The following RNGTT variants were observed in gnomAD, a reference collection of about 807,000 sequenced individuals.
RNGTT encodes mRNA-capping enzyme.
A neutral mutation model predicts 79.3 loss-of-function variants in RNGTT; 33 were observed. That is an observed-to-expected ratio of 0.42 (90% CI 0.32 to 0.56). The LOEUF (loss-of-function observed/expected upper bound fraction) is 0.56, where lower values mean the gene tolerates loss of function less well. Among genes scored for constraint, RNGTT ranks in the 20% least tolerant of loss-of-function variants. RNGTT has a pLI of 0.17. For synonymous variants in RNGTT, 222 were observed against 235.9 expected (o/e 0.94, Z 0.54); for missense variants, 497 against 739.1 (o/e 0.67, Z 3.80).
intron 4 of RNGTT, among the ~76,000 whole-genome samples, chr6:88,916,335 T>G (rs1464037837): frequency 1.3e-5 from 2 of 152,046 alleles, no homozygotes; most frequent in East Asian, 3.9e-4. Flanking sequence ...TCGCCATGCA[T>G]GGTGGTGTGT....
intron 2 of RNGTT, among the ~76,000 whole-genome samples, chr6:88,939,624 T>G (rs1419951091): frequency 6.6e-6 from 1 of 152,128 alleles, no homozygotes; most frequent in African/African-American, 2.4e-5. Flanking sequence ...ATGAATTTTT[T>G]TATTATGCTG....
intron 13 of RNGTT, among the ~76,000 whole-genome samples, chr6:88,698,142 T>G (rs1775773482): frequency 1.7e-5 from 2 of 114,570 alleles, no homozygotes; most frequent in Non-Finnish European, 3.2e-5. Context: ...ATATGATATA[T>G]ATATGAAATA....
At chr6:88,663,676 AGG>A (rs991889400) in intron 14 of RNGTT, among the ~76,000 whole-genome samples, 8 of 152,162 alleles carry the variant, frequency 5.3e-5, no homozygotes, top group African/African-American at 1.9e-4. Flanking sequence ...AGCCTCTGCA[AGG>A]TGTGCACACC....
At chr6:88,712,244 C>T (rs1776343858) in intron 13 of RNGTT, among the ~76,000 whole-genome samples, 1 of 152,260 alleles carries the variant, frequency 6.6e-6, no homozygotes, top group South Asian at 2.1e-4. Context: ...TAATCAAATA[C>T]TATGGGACTT....
intron 14 of RNGTT, among the ~76,000 whole-genome samples, chr6:88,675,047 G>A (rs1005713110): frequency 1.3e-5 from 2 of 151,124 alleles, no homozygotes; most frequent in Non-Finnish European, 2.9e-5. Context: ...GCAGTGAGCC[G>A]AGATTGTGCC....
At chr6:88,689,117 G>C (rs1354190715) in intron 13 of RNGTT, among the ~76,000 whole-genome samples, 1 of 152,050 alleles carries the variant, frequency 6.6e-6, no homozygotes, top group Non-Finnish European at 1.5e-5. Context: ...CAGTGCCCTT[G>C]CATTGTTCAT....
intron 13 of RNGTT, among the ~76,000 whole-genome samples, chr6:88,739,725 T>TATA (rs1491236944): frequency 4.2e-5 from 4 of 94,152 alleles, no homozygotes; most frequent in Non-Finnish European, 8.0e-5. Flanking sequence ...GTGAAAAAAA[T>TATA]TATATATATA....
intron 8 of RNGTT, among the ~76,000 whole-genome samples, chr6:88,861,431 G>T (rs1782011820): frequency 6.6e-6 from 1 of 152,056 alleles, no homozygotes; most frequent in Non-Finnish European, 1.5e-5. Context: ...CACTTTGCCT[G>T]TTTCTCTCAT....
At chr6:88,919,142 A>C (rs576647561) in intron 4 of RNGTT, among the ~76,000 whole-genome samples, 1 of 152,346 alleles carries the variant, frequency 6.6e-6, no homozygotes, top group South Asian at 2.1e-4. Context: ...ATATTAAAAA[A>C]TCCATTAATT....
intron 12 of RNGTT, among the ~76,000 whole-genome samples, chr6:88,777,228 C>A (rs1308477181): frequency 6.6e-6 from 1 of 152,170 alleles, no homozygotes; most frequent in African/African-American, 2.4e-5. Flanking sequence ...TTCAGTACTA[C>A]ACCATTTTAA....
intron 11 of RNGTT, among the ~76,000 whole-genome samples, chr6:88,838,842 T>C (rs1409368536): frequency 6.6e-6 from 1 of 152,130 alleles, no homozygotes; most frequent in Non-Finnish European, 1.5e-5. Flanking sequence ...ACATTAATAC[T>C]ATCTGATTTC....
At chr6:88,663,886 A>G (rs914963942) in intron 14 of RNGTT, among the ~76,000 whole-genome samples, 4 of 152,212 alleles carry the variant, frequency 2.6e-5, no homozygotes, top group Non-Finnish European at 5.9e-5. Flanking sequence ...CTCAACTGGA[A>G]AAATAACATC....
chr6:88,890,720 A>C, intron 7 of RNGTT, 124 bp from the exon 8 acceptor site: 1 of 530,672 alleles, frequency 1.9e-6, no homozygotes, highest in Non-Finnish European at 3.3e-6. Context: ...GATTAATGTC[A>C]GCTGGAATAA....
chr6:88,818,265 T>C (rs1174043714), intron 11 of RNGTT, among the ~76,000 whole-genome samples: 5 of 152,104 alleles, frequency 3.3e-5, no homozygotes, highest in Non-Finnish European at 7.4e-5. Context: ...GCTCAAGACA[T>C]TGGGTTAACC....
rs1771996424 is a variant in RNGTT at position 88,610,859 on chromosome 6, T to C, written c.*1860A>G. The C allele has an allele frequency of 6.6e-6, 1 of 152,236 alleles. No individual in the cohort carries two copies. Among genetic ancestry groups the C allele is most frequent in the Non-Finnish European group, 1.5e-5 (1 of 68,040 alleles). 9.4% of individuals were successfully genotyped at this position (152,236 alleles called of 1,614,324 possible). ...TCGTATCTGCAAAAGGGCTCTGCCT[T>C]TCCACAGGCTCGGAGGGAAAGCAGC... On this transcript the variant is annotated 3_prime_UTR_variant, in exon 16 of 16. Transcript: ENST00000369485.
intron 11 of RNGTT, among the ~76,000 whole-genome samples, chr6:88,803,835 T>A (rs1292747253): frequency 1.3e-5 from 2 of 152,042 alleles, no homozygotes; most frequent in African/African-American, 4.8e-5. Flanking sequence ...CAATAAAAAA[T>A]AGCCAGTTAG....
chr6:88,797,156 G>A (rs1373985969), intron 12 of RNGTT, among the ~76,000 whole-genome samples: 1 of 152,000 alleles, frequency 6.6e-6, no homozygotes, highest in South Asian at 2.1e-4. Context: ...ATTTAAGAAC[G>A]TCCTGGCAAA....
intron 14 of RNGTT, among the ~76,000 whole-genome samples, chr6:88,641,776 A>T (rs1203173355): frequency 6.6e-6 from 1 of 152,218 alleles, no homozygotes; most frequent in Non-Finnish European, 1.5e-5. Context: ...AAGAAAAGAA[A>T]CCACTGTAAA....
intron 1 of RNGTT, among the ~76,000 whole-genome samples, chr6:88,961,501 A>G (rs1785622512): frequency 1.3e-5 from 2 of 151,834 alleles, no homozygotes; most frequent in Non-Finnish European, 2.9e-5. Context: ...CAGTGGTGCA[A>G]TCTCAGCTCA....
Sources: allele counts gnomAD v4.1 joint callset (sites outside exome capture counted in the v4.1 genomes callset), GRCh38; gene constraint gnomAD v4.1.1; transcripts MANE v1.5; gene names NCBI Gene and HGNC (gene_info 2026-07-23, HGNC 2026-07-21).